Variants in TEX264 observed in about 807,000 individuals in gnomAD.
TEX264 encodes testis expressed 264, ER-phagy receptor, also known as testis-expressed protein 264.
In TEX264, 13 loss-of-function variants were observed where a neutral mutation model predicts 23.4. That is an observed-to-expected ratio of 0.56 (90% CI 0.36 to 0.88). The LOEUF (loss-of-function observed/expected upper bound fraction) is 0.88. Among genes scored for constraint, TEX264 ranks in the 40% least tolerant of loss-of-function variants. The pLI is 0.01. For synonymous variants in TEX264, 159 were observed against 170.0 expected, an observed-to-expected ratio of 0.94 and a Z score of 0.50; for missense variants, 340 against 406.8, an observed-to-expected ratio of 0.84 and a Z score of 1.41.
intron 3 of TEX264, among the ~76,000 whole-genome samples, chr3:51,687,867 A>G (rs559965059): frequency 1.3e-5 from 2 of 152,336 alleles, no homozygotes; most frequent in Middle Eastern, 3.4e-3. Context: ...GAGAGGCCCA[A>G]GGAGAAGCAC....
chr3:51,698,855 C>G (rs573190563), intron 3 of TEX264, among the ~76,000 whole-genome samples: 1 of 152,272 alleles, frequency 6.6e-6, no homozygotes, highest in Admixed American at 6.5e-5. Context: ...GGCCTTGATC[C>G]TTGTTCAGGG....
At chr3:51,672,043 G>C (rs2106883440) in intron 1 of TEX264, 1 of 152,440 alleles carries the variant, frequency 6.6e-6, no homozygotes, top group South Asian at 2.1e-4. Flanking sequence ...AGAGGGGCGT[G>C]ACCAGAGCTC....
intron 3 of TEX264, among the ~76,000 whole-genome samples, chr3:51,690,928 C>T (rs765065961): frequency 7.2e-5 from 11 of 152,234 alleles, no homozygotes; most frequent in Non-Finnish European, 1.3e-4. Flanking sequence ...GGCCGAGGAT[C>T]GTTCCGATGG....
chr3:51,690,496 C>T (rs188095259), intron 3 of TEX264, among the ~76,000 whole-genome samples: 1 of 151,250 alleles, frequency 6.6e-6, no homozygotes, highest in African/African-American at 2.4e-5. Context: ...CACGACACTG[C>T]CCAGTGAGCT....
In TEX264 at chr3:51,688,585, CT is replaced by C. The variant is rs2106962108; in HGVS notation, c.480+3954del. ...TTCAGGGAGTTTTTAGGGGGAGGGTCTTTGTAAAATGGTTTGAGCCTCCTCT... is the reference window on the plus strand; with the variant it reads ...TTCAGGGAGTTTTTAGGGGGAGGGTCTTGTAAAATGGTTTGAGCCTCCTCT... On this transcript the variant is annotated intron_variant, in intron 3 of 4. Coordinates refer to ENST00000341333, the MANE Select transcript of TEX264 (RefSeq NM_015926.6). Among the ~76,000 whole-genome samples the C allele has an allele frequency of 2.0e-5, 3 of 152,244 alleles. 1 individual carries two copies. The South Asian group carries it at 6.2e-4, about 32-fold the overall frequency.
chr3:51,701,310 C>T (rs1703294820), intron 4 of TEX264, among the ~76,000 whole-genome samples: 3 of 150,326 alleles, frequency 2.0e-5, no homozygotes, highest in Admixed American at 1.3e-4. Flanking sequence ...GCTACTTCCC[C>T]GTATTGCATT....
At chr3:51,676,182 C>T (rs1293602463) in intron 2 of TEX264, among the ~76,000 whole-genome samples, 1 of 152,162 alleles carries the variant, frequency 6.6e-6, no homozygotes, top group Non-Finnish European at 1.5e-5. Context: ...TGTGTAAGGC[C>T]CTGCCCCCCC....
At chr3:51,673,511 C>T (rs906122813) in intron 1 of TEX264, among the ~76,000 whole-genome samples, 2 of 152,228 alleles carry the variant, frequency 1.3e-5, no homozygotes, top group African/African-American at 4.8e-5. Context: ...CCTCTTACTA[C>T]TCACTGTTTC....
intron 3 of TEX264, among the ~76,000 whole-genome samples, chr3:51,688,970 A>C (rs1051550843): frequency 6.6e-6 from 1 of 152,008 alleles, no homozygotes; most frequent in Non-Finnish European, 1.5e-5. Flanking sequence ...TCTAAAAAAA[A>C]CAGAAAAAAA....
chr3:51,690,184 T>G (rs538881667), intron 3 of TEX264, among the ~76,000 whole-genome samples: 114 of 151,900 alleles, frequency 7.5e-4, no homozygotes, highest in Non-Finnish European at 1.3e-3. Flanking sequence ...TGGGTCTGAG[T>G]CCACACTGGG....
chr3:51,693,917 C>T (rs1383425446), intron 3 of TEX264, among the ~76,000 whole-genome samples: 2 of 152,170 alleles, frequency 1.3e-5, no homozygotes, highest in African/African-American at 2.4e-5. Context: ...CTTACCGTCA[C>T]ATAATGGTGT....
At chr3:51,683,931 A>G (rs1417742767) in intron 2 of TEX264, 1 of 162,764 alleles carries the variant, frequency 6.1e-6, no homozygotes, top group Non-Finnish European at 1.3e-5. Context: ...TCTCCAGGAG[A>G]TAGGAGGGAA....
At position 51,703,705 on chromosome 3, in the gene TEX264, TC is replaced by T; in HGVS notation, c.650-16del. ...TGGGGTGGTCCTAGCTAACCTGTGC[TC>T]CCTTTTCCTGGTCATAGGAGCTGAC... On this transcript the variant is annotated intron_variant, in intron 4 of 4. Transcript: ENST00000341333. This position sits in a 1 kb window ranked among gnomAD's most constrained non-coding sequence, Gnocchi z 4.8. 6.4e-7 allele frequency: 1 copy of T among 1,563,072 alleles called. No individual in the cohort carries two copies. The highest frequency in any genetic ancestry group is 8.7e-7 in the Non-Finnish European group (1 of 1,147,518).
intron 4 of TEX264, among the ~76,000 whole-genome samples, 177 bp downstream of exon 4, chr3:51,699,751 TTCCCAGACACA>T (rs1703216075): frequency 6.6e-6 from 1 of 152,088 alleles, no homozygotes; most frequent in Admixed American, 6.5e-5. Flanking sequence ...GAGTTGCCTG[TTCCCAGACACA>T]TGGATCTACA....
chr3:51,690,030 T>C (rs973471631), intron 3 of TEX264, among the ~76,000 whole-genome samples: 2 of 152,104 alleles, frequency 1.3e-5, no homozygotes, highest in Admixed American at 1.3e-4. Context: ...AGATTGCCTG[T>C]GGAAATGGGT....
chr3:51,691,013 T>C lies in TEX264; in HGVS notation c.480+6379T>C, dbSNP rs1702809898. Among the ~76,000 whole-genome samples the C allele has an allele frequency of 6.6e-6, 1 of 152,232 alleles. No homozygotes were observed. ...AGAGGCTGAGAACTTGTCATCAATT[T>C]GGGATATGCTCGGGATGGTGCCCCA... On this transcript the variant is annotated intron_variant, in intron 3 of 4. Coordinates refer to ENST00000341333, the MANE Select transcript of TEX264 (RefSeq NM_015926.6). This position sits in a 1 kb window ranked among gnomAD's most constrained non-coding sequence, Gnocchi z 4.4.
rs1374847858 is a variant in TEX264, at chr3:51,674,298, C to G, written c.-7C>G. The G allele has an allele frequency of 6.2e-7, 1 of 1,614,130 alleles. No individual in the cohort carries two copies. Among genetic ancestry groups the G allele is most frequent in the East Asian group, 2.2e-5 (1 of 44,886 alleles). On this transcript the variant is annotated 5_prime_UTR_variant, in exon 2 of 5. Coordinates refer to ENST00000341333, the MANE Select transcript of TEX264 (RefSeq NM_015926.6). ...GCCTTGAGGTGCAGTGTTGGGGATC[C>G]AGAGCCATGTCGGACCTGCTACTAC...
chr3:51,690,954 C>T (rs1395927424), intron 3 of TEX264, among the ~76,000 whole-genome samples: 2 of 152,232 alleles, frequency 1.3e-5, no homozygotes, highest in Admixed American at 1.3e-4. Context: ...TGCCTTTTGC[C>T]ACTCCATCCT....
At chr3:51,683,652 G>C (rs1275223475) in intron 2 of TEX264, 2 of 152,288 alleles carry the variant, frequency 1.3e-5, no homozygotes, top group African/African-American at 4.8e-5. Context: ...AGCTGGCCCT[G>C]CCAGAGGGGT....
Sources: gnomAD v4.1 joint callset for allele counts (sites outside exome capture counted in the v4.1 genomes callset) on GRCh38, gnomAD v4.1.1 for gene constraint, Gnocchi (gnomAD v3.1) non-coding constraint, MANE v1.5 for transcripts, NCBI Gene and HGNC (gene_info 2026-07-23, HGNC 2026-07-21) for gene names.